The following ZNF251 variants were observed in gnomAD, a reference collection of about 807,000 sequenced individuals.
ZNF251 encodes the protein zinc finger protein 251.
Under a neutral mutation model 13.5 loss-of-function variants are expected in ZNF251, and 14 were observed. That is an observed-to-expected ratio of 1.04 (90% CI 0.69 to 1.63). The LOEUF is 1.63. Among genes scored for constraint, ZNF251 ranks in the 40% most tolerant of loss-of-function variants. The pLI is 0.00. For synonymous variants in ZNF251, 287 were observed against 295.2 expected (o/e 0.97, Z 0.28); for missense variants, 764 against 834.9 (o/e 0.92, Z 1.05).
At chr8:144,749,281 G>A (rs112522836) in intron 4 of ZNF251, among the ~76,000 whole-genome samples, 1,921 of 152,240 alleles carry the variant, frequency 0.013, 29 homozygotes, top group African/African-American at 0.044. Flanking sequence ...GAGACCAGGA[G>A]GTCAAGACCA....
intron 4 of ZNF251, among the ~76,000 whole-genome samples, chr8:144,752,877 T>C (rs995485083): frequency 9.2e-5 from 14 of 152,042 alleles, no homozygotes; most frequent in African/African-American, 2.2e-4. Flanking sequence ...GGGAGAAAAG[T>C]AGAACAAGCT....
At chr8:144,726,996 CA>C (rs1214837352) in intron 4 of ZNF251, among the ~76,000 whole-genome samples, 22 of 152,106 alleles carry the variant, frequency 1.4e-4, no homozygotes, top group African/African-American at 5.3e-4. Flanking sequence ...TGACATTAGT[CA>C]GTTATGATGG....
intron 3 of ZNF251, 126 bp downstream of exon 3, chr8:144,754,066 G>T: frequency 7.4e-7 from 1 of 1,344,784 alleles, no homozygotes; most frequent in Admixed American, 2.8e-5. Flanking sequence ...TCCTTCTGTA[G>T]AGATCAGACT....
intron 4 of ZNF251, among the ~76,000 whole-genome samples, chr8:144,733,115 G>A (rs565780645): frequency 9.2e-5 from 14 of 151,396 alleles, no homozygotes; most frequent in South Asian, 8.3e-4. Flanking sequence ...CCAGGTACAC[G>A]GGAAGCTGAG....
At chr8:144,743,723 G>A (rs767823356) in intron 4 of ZNF251, among the ~76,000 whole-genome samples, 4 of 152,164 alleles carry the variant, frequency 2.6e-5, no homozygotes, top group African/African-American at 7.2e-5. Context: ...AGCACTGGGG[G>A]TTATCAGTGG....
At position 144,755,409 on chromosome 8, in the gene ZNF251, T is replaced by C. The variant is rs1431659564; in HGVS notation, c.-80A>G. On this transcript the variant is annotated 5_prime_UTR_variant, in exon 1 of 5. Transcript: ENST00000292562. Reference sequence around the variant, plus strand: ...CCTGGTCCGACACTGCCCCACCTGTTTGCTCGACCCGGGGAAGCCACCGAG... The same window carrying C: ...CCTGGTCCGACACTGCCCCACCTGTCTGCTCGACCCGGGGAAGCCACCGAG... The C allele has an allele frequency of 9.3e-6, 12 of 1,288,326 alleles. No homozygotes were observed. Among genetic ancestry groups the C allele is most frequent in the African/African-American group, 1.5e-5 (1 of 65,906 alleles). The allele number at this position is 1,288,326 out of a possible 1,614,324, so 79.8% of individuals were successfully genotyped here. A position where few individuals can be genotyped will look rare whatever the true frequency, so the allele number is the denominator to read the frequency against.
At chr8:144,754,459 TG>T in intron 2 of ZNF251, 138 bp from the exon 3 acceptor site, 1 of 1,444,102 alleles carries the variant, frequency 6.9e-7, no homozygotes, top group East Asian at 2.5e-5. Context: ...AGGTCCCTGA[TG>T]GGGCAGCTGA....
rs943106360 is a variant in ZNF251, at chr8:144,734,322, G to A, written c.278-10940C>T. 6.6e-5 allele frequency among the ~76,000 whole-genome samples: 10 copies of A among 152,234 alleles called. No individual in the cohort carries two copies. Among genetic ancestry groups the A allele is most frequent in the Admixed American group, 2.0e-4 (3 of 15,286 alleles). ...TTGCAAATATCCATGCTTTGTCCCT[G>A]TGGCTGTCGGCCCTGTCCCCCAACT... On this transcript the variant is annotated intron_variant, in intron 4 of 4. Transcript: ENST00000292562. This position sits in a 1 kb window ranked among gnomAD's most constrained non-coding sequence, Gnocchi z 4.4.
At position 144,722,148 on chromosome 8, in the gene ZNF251, G is replaced by A. The variant is rs1250528047; in HGVS notation, c.1512C>T (p.Leu504=). ...CGKAFSRRST[L]IQHQKVHSGE... is the part of the protein sequence containing the mutation. Reference sequence around the variant, plus strand: ...CGCTGTGAACTTTCTGATGCTGAATGAGGGTTGACCTCCGGCTGAAGGCCT... The same window carrying A: ...CGCTGTGAACTTTCTGATGCTGAATAAGGGTTGACCTCCGGCTGAAGGCCT... Residue 504 remains leucine, a synonymous_variant, in exon 5 of 5, where the codon CTC becomes CTT. Transcript: ENST00000292562. This position sits in a 1 kb window ranked among gnomAD's most constrained non-coding sequence, Gnocchi z 4.8. 6.2e-7 allele frequency: 1 copy of A among 1,614,066 alleles called. No homozygotes were observed. The highest frequency in any genetic ancestry group is 8.5e-7 in the Non-Finnish European group (1 of 1,180,046).
chr8:144,736,482 T>TATTTA (rs1823898927), intron 4 of ZNF251, among the ~76,000 whole-genome samples: 1 of 150,018 alleles, frequency 6.7e-6, no homozygotes, highest in Non-Finnish European at 1.5e-5. Flanking sequence ...TTTATTTATT[T>TATTTA]ATTTATTTAT....
intron 4 of ZNF251, among the ~76,000 whole-genome samples, chr8:144,744,723 T>C (rs1286025834): frequency 6.6e-6 from 1 of 152,128 alleles, no homozygotes; most frequent in Admixed American, 6.5e-5. Context: ...AAACTAACCA[T>C]GCTAACACAC....
chr8:144,738,310 C>T (rs1363844706), intron 4 of ZNF251, among the ~76,000 whole-genome samples: 3 of 152,158 alleles, frequency 2.0e-5, no homozygotes, highest in Non-Finnish European at 4.4e-5. Flanking sequence ...CAATATGCCC[C>T]GTAGAAAGGC....
At chr8:144,754,926 C>A in intron 1 of ZNF251, 123 bp from the exon 2 acceptor site, 2 of 1,427,516 alleles carry the variant, frequency 1.4e-6, no homozygotes, top group South Asian at 1.5e-5. Context: ...CTATGCAGCA[C>A]GGGCCGACGT....
intron 4 of ZNF251, among the ~76,000 whole-genome samples, chr8:144,730,786 C>T (rs564799841): frequency 1.3e-5 from 2 of 152,348 alleles, no homozygotes; most frequent in South Asian, 4.1e-4. Flanking sequence ...CTTGGACACC[C>T]CCGAAACACA....
chr8:144,753,830 G>A (rs531231043), intron 3 of ZNF251, 34 bp from the exon 4 acceptor site: 1 of 1,486,126 alleles, frequency 6.7e-7, no homozygotes, highest in South Asian at 1.2e-5. Context: ...GAGCTGGCAT[G>A]GCCCACTGGG....
intron 4 of ZNF251, among the ~76,000 whole-genome samples, chr8:144,746,552 T>C (rs1024354209): frequency 1.3e-5 from 2 of 152,232 alleles, no homozygotes; most frequent in Admixed American, 1.3e-4. Context: ...GAAGAGATTA[T>C]AGAGAACTGG....
rs369191762 is a variant in ZNF251 at position 144,721,815 on chromosome 8, A to G, written c.1845T>C (p.Thr615=). 9 of 1,495,744 alleles carry G rather than the reference A, an allele frequency of 6.0e-6. No homozygotes were observed. The highest frequency in any genetic ancestry group is 8.0e-6 in the Non-Finnish European group (9 of 1,122,806). 92.7% of individuals were successfully genotyped at this position (1,495,744 alleles called of 1,614,324 possible). Residue 615 remains threonine, a synonymous_variant, in exon 5 of 5, where the codon ACT becomes ACC. Coordinates refer to ENST00000292562, the MANE Select transcript of ZNF251 (RefSeq NM_138367.2). ...AATGACATGGTTTCTGACCAGTGTG[A>G]GTTACCTGATGTTGAATAAGGGTTG... ...GKSTLIQHQV[T]HTGQKPCHCS...
intron 4 of ZNF251, among the ~76,000 whole-genome samples, chr8:144,732,672 T>C (rs200103205): frequency 0.01 from 1,537 of 151,724 alleles, 14 homozygotes; most frequent in Admixed American, 0.014. Flanking sequence ...ATTAGCTGGG[T>C]GTGGTGGCAG....
intron 4 of ZNF251, among the ~76,000 whole-genome samples, chr8:144,729,007 G>C (rs1823606264): frequency 6.9e-6 from 1 of 145,752 alleles, no homozygotes; most frequent in African/African-American, 2.5e-5. Flanking sequence ...AGAATCACTA[G>C]AACCTGGGAG....
Sources: gnomAD v4.1 joint callset for allele counts (sites outside exome capture counted in the v4.1 genomes callset) on GRCh38, gnomAD v4.1.1 for gene constraint, Gnocchi (gnomAD v3.1) non-coding constraint, MANE v1.5 for transcripts, NCBI Gene and HGNC (gene_info 2026-07-23, HGNC 2026-07-21) for gene names.